Variants in ACBD6 observed in about 807,000 individuals in gnomAD.
ACBD6 encodes the protein acyl-CoA-binding domain-containing protein 6.
In ACBD6, 28 loss-of-function variants were observed where a neutral mutation model predicts 37.2. The observed-to-expected ratio is 0.75, with a 90% CI of 0.56 to 1.03. The LOEUF (loss-of-function observed/expected upper bound fraction) is 1.03. Among genes scored for constraint, ACBD6 ranks in the 50% least tolerant of loss-of-function variants. The pLI, the probability that ACBD6 is intolerant of heterozygous loss-of-function variation, is 0.00. For missense variants in ACBD6, 340 were observed against 337.4 expected, an observed-to-expected ratio of 1.01 and a Z score of -0.06; for synonymous variants, 113 against 126.8, an observed-to-expected ratio of 0.89 and a Z score of 0.73.
chr1:180,501,928 ATACAC>A, intron 1 of ACBD6, 112 bp downstream of exon 1: 8 of 995,276 alleles, frequency 8.0e-6, no homozygotes, highest in Admixed American at 2.2e-5. Flanking sequence ...ACAAAACAAA[ATACAC>A]ATACACAAGC....
In ACBD6 at chr1:180,413,498, T is replaced by C. The variant is rs773457158; in HGVS notation, c.468-27A>G. ...TAGAATAAAAAAAAGAAAGGTCTTT[T>C]TTTACTGGGTAATACATTAAAGTTA... On this transcript the variant is annotated intron_variant, in intron 4 of 7. Transcript: ENST00000367595. 3.4e-6 allele frequency: 5 copies of C among 1,477,490 alleles called. No homozygotes were observed. In the Admixed American group the frequency reaches 8.4e-5, roughly 25 times the overall value. The allele number at this position is 1,477,490 out of a possible 1,614,324, so 91.5% of individuals were successfully genotyped here.
At chr1:180,269,699 C>A (rs1027343481) in exon 14 of ACBD6, 5 of 152,200 alleles carry the variant, frequency 3.3e-5, no homozygotes, top group African/African-American at 1.2e-4. Flanking sequence ...AAAGATTGTA[C>A]ACAAGTGCAC....
chr1:180,353,452 C>T (rs1652496499), intron 6 of ACBD6, among the ~76,000 whole-genome samples: 1 of 152,064 alleles, frequency 6.6e-6, no homozygotes, highest in South Asian at 2.1e-4. Context: ...CAACTCTGAA[C>T]ATCTATCCAA....
chr1:180,384,537 T>C (rs972990730), intron 6 of ACBD6, among the ~76,000 whole-genome samples: 3 of 152,192 alleles, frequency 2.0e-5, no homozygotes, highest in Non-Finnish European at 4.4e-5. Context: ...AAAACTCTTA[T>C]ACATGGTTAG....
intron 6 of ACBD6, among the ~76,000 whole-genome samples, chr1:180,394,539 C>G (rs554917988): frequency 6.6e-6 from 1 of 151,932 alleles, no homozygotes; most frequent in Non-Finnish European, 1.5e-5. Context: ...AAGGAATTTG[C>G]CCAACCGGAT....
intron 7 of ACBD6, among the ~76,000 whole-genome samples, chr1:180,305,834 A>G (rs1650332632): frequency 6.6e-6 from 1 of 152,172 alleles, no homozygotes; most frequent in Admixed American, 6.5e-5. Context: ...TCACAATAGC[A>G]AAGACTTGGA....
Position 180,311,472 on chromosome 1 carries a change from C to G in ACBD6, c.694+3220G>C, listed in dbSNP as rs1650591966. Reference sequence around the variant, plus strand: ...AATTTTTTTGAGACAGGGTCTTACTCTGTCAACCAAGCTGGAGTGCAGTGG... The same window carrying G: ...AATTTTTTTGAGACAGGGTCTTACTGTGTCAACCAAGCTGGAGTGCAGTGG... On this transcript the variant is annotated intron_variant, in intron 7 of 7. Transcript: ENST00000367595. 2.6e-5 allele frequency among the ~76,000 whole-genome samples: 4 copies of G among 152,172 alleles called. No individual in the cohort carries two copies. The South Asian group carries it at 8.3e-4, about 31-fold the overall frequency.
At chr1:180,382,136 A>G in intron 6 of ACBD6, among the ~76,000 whole-genome samples, 1 of 151,372 alleles carries the variant, frequency 6.6e-6, no homozygotes, top group African/African-American at 2.4e-5. Context: ...AAAAGAAAAG[A>G]AAAGGAGAAA....
At chr1:180,436,008 G>GT (rs1308330478) in intron 3 of ACBD6, 21 of 826,396 alleles carry the variant, frequency 2.5e-5, no homozygotes, top group African/African-American at 5.1e-5. Context: ...AGAATTTACT[G>GT]TATCGTTTAA....
chr1:180,354,484 T>C (rs959687539), intron 6 of ACBD6, among the ~76,000 whole-genome samples: 3 of 152,180 alleles, frequency 2.0e-5, no homozygotes, highest in Non-Finnish European at 4.4e-5. Flanking sequence ...TTTAAAAACA[T>C]GAAAAGATTT....
intron 2 of ACBD6, among the ~76,000 whole-genome samples, chr1:180,494,483 T>C (rs1571582553): frequency 6.6e-6 from 1 of 152,066 alleles, no homozygotes; most frequent in Admixed American, 6.5e-5. Context: ...GACTGTCCTA[T>C]ACAAAAAAAA....
At chr1:180,377,774 C>A (rs1268487658) in intron 6 of ACBD6, among the ~76,000 whole-genome samples, 4 of 151,832 alleles carry the variant, frequency 2.6e-5, no homozygotes, top group Admixed American at 2.6e-4. Flanking sequence ...ATGGAGAAAC[C>A]CCGTCTCTAC....
At chr1:180,468,743 A>G (rs1460764719) in intron 3 of ACBD6, among the ~76,000 whole-genome samples, 1 of 152,184 alleles carries the variant, frequency 6.6e-6, no homozygotes, top group African/African-American at 2.4e-5. Flanking sequence ...CAGATATTTA[A>G]GGCTATCAGT....
chr1:180,422,048 A>G (rs1464982483), intron 4 of ACBD6, among the ~76,000 whole-genome samples: 1 of 152,162 alleles, frequency 6.6e-6, no homozygotes, highest in Non-Finnish European at 1.5e-5. Flanking sequence ...TTTTTCTCAA[A>G]TCATAGTAGA....
chr1:180,288,014 G>GGTTACA (rs1649559132), downstream of ACBD6, among the ~76,000 whole-genome samples: 1 of 152,038 alleles, frequency 6.6e-6, no homozygotes. Flanking sequence ...TTTCCCTAAT[G>GGTTACA]GTTACATTTG....
chr1:180,309,033 G>C (rs1002612248), intron 7 of ACBD6, among the ~76,000 whole-genome samples: 1 of 152,114 alleles, frequency 6.6e-6, no homozygotes, highest in African/African-American at 2.4e-5. Flanking sequence ...AGTTATAAAA[G>C]GGTTTACAGA....
At chr1:180,299,772 C>G (rs538988687) in intron 7 of ACBD6, among the ~76,000 whole-genome samples, 1 of 151,866 alleles carries the variant, frequency 6.6e-6, no homozygotes, top group Non-Finnish European at 1.5e-5. Flanking sequence ...ATTAGTATTC[C>G]CAGTGGAGGA....
At chr1:180,307,258 A>G (rs1033255106) in intron 7 of ACBD6, among the ~76,000 whole-genome samples, 1 of 152,216 alleles carries the variant, frequency 6.6e-6, no homozygotes, top group Admixed American at 6.5e-5. Flanking sequence ...CAGGCACAGA[A>G]AGGCAAACTT....
chr1:180,467,713 CTTTATCTCA>C (rs2102052448), intron 3 of ACBD6, among the ~76,000 whole-genome samples: 1 of 152,212 alleles, frequency 6.6e-6, no homozygotes, highest in Non-Finnish European at 1.5e-5. Context: ...CTGACCTACA[CTTTATCTCA>C]TTTAATACAC....
Sources: allele counts gnomAD v4.1 joint callset (sites outside exome capture counted in the v4.1 genomes callset), GRCh38; gene constraint gnomAD v4.1.1; transcripts MANE v1.5; gene names NCBI Gene and HGNC (gene_info 2026-07-23, HGNC 2026-07-21).